NCAPG2: variants seen among roughly 807,000 people sequenced by gnomAD.
NCAPG2 encodes condensin-2 complex subunit G2.
In NCAPG2, 53 loss-of-function variants were observed where a neutral mutation model predicts 141.1. The ratio of observed to expected loss-of-function variants is 0.38; its 90% CI spans 0.30 to 0.47. The LOEUF is 0.47. NCAPG2 is among the 20% of genes least tolerant of loss of function. NCAPG2 has a pLI of 0.99. For missense variants in NCAPG2, 1,087 were observed against 1,389.0 expected (o/e 0.78, Z 3.46); for synonymous variants, 499 against 490.7 (o/e 1.02, Z -0.22).
At chr7:158,686,340 C>T (rs1279275430) in intron 7 of NCAPG2, 99 bp from the exon 8 acceptor site, 3 of 676,912 alleles carry the variant, frequency 4.4e-6, no homozygotes, top group African/African-American at 3.8e-5. Context: ...GAAGAAGAAA[C>T]TCAGTTTAAA....
chr7:158,652,215 G>A, intron 23 of NCAPG2, 78 bp downstream of exon 23: 1 of 1,401,418 alleles, frequency 7.1e-7, no homozygotes, highest in Non-Finnish European at 9.9e-7. Context: ...AGCACAGCCA[G>A]GGCTGATGCA....
At chr7:158,680,411 C>T (rs1376883449) in intron 10 of NCAPG2, among the ~76,000 whole-genome samples, 5 of 152,156 alleles carry the variant, frequency 3.3e-5, no homozygotes, top group African/African-American at 1.2e-4. Context: ...CCTGGACAGC[C>T]CAGGCCAGCG....
intron 23 of NCAPG2, 138 bp from the exon 24 acceptor site, chr7:158,651,110 A>G: frequency 1.2e-6 from 1 of 867,790 alleles, no homozygotes; most frequent in Non-Finnish European, 1.6e-6. Context: ...GCCTGCTACC[A>G]GTGCCCACTA....
chr7:158,675,774 T>C, intron 11 of NCAPG2, 118 bp from the exon 12 acceptor site: 5 of 1,021,116 alleles, frequency 4.9e-6, no homozygotes, highest in Non-Finnish European at 7.1e-6. Context: ...AGCATAGAAA[T>C]ACTGGACACA....
At chr7:158,702,611 A>G (rs956419834) in intron 1 of NCAPG2, among the ~76,000 whole-genome samples, 1 of 152,238 alleles carries the variant, frequency 6.6e-6, no homozygotes, top group Non-Finnish European at 1.5e-5. Context: ...ACATCAACCT[A>G]AAGATGAGGT....
At chr7:158,687,773 T>C (rs1834865400) in intron 6 of NCAPG2, among the ~76,000 whole-genome samples, 1 of 152,168 alleles carries the variant, frequency 6.6e-6, no homozygotes, top group African/African-American at 2.4e-5. Flanking sequence ...TTCCATAGTC[T>C]CAAATGAAAG....
At chr7:158,644,512 C>G in intron 26 of NCAPG2, 124 bp from the exon 27 acceptor site, 1 of 760,340 alleles carries the variant, frequency 1.3e-6, no homozygotes, top group South Asian at 1.5e-5. Flanking sequence ...TTGAGGTAAC[C>G]TACATACTGA....
chr7:158,641,808 T>C (rs1830670479), intron 27 of NCAPG2, among the ~76,000 whole-genome samples: 1 of 152,222 alleles, frequency 6.6e-6, no homozygotes, highest in Admixed American at 6.5e-5. Flanking sequence ...AAGTCAGTTA[T>C]TATAGTTGGA....
rs1275932729 is a variant in NCAPG2, at chr7:158,654,703, G to A, written c.2647-9C>T. 1.9e-6 allele frequency: 3 copies of A among 1,610,230 alleles called. No individual in the cohort carries two copies. The highest frequency in any genetic ancestry group is 2.5e-6 in the Non-Finnish European group (3 of 1,178,682). ...CACACAGTCAGGTAGGTCTGTAAGA[G>A]ACAGACACAGCTTAGCAACAAAGGC... is the stretch of plus-strand genomic sequence containing the variant. On this transcript the variant is annotated splice_polypyrimidine_tract_variant and intron_variant, in intron 21 of 27. Transcript: ENST00000356309.
chr7:158,680,900 G>C, intron 9 of NCAPG2, 84 bp from the exon 10 acceptor site: 3 of 1,013,496 alleles, frequency 3.0e-6, no homozygotes, highest in Non-Finnish European at 2.9e-6. Flanking sequence ...GAGCAACAGG[G>C]AGAATTGTTC....
At chr7:158,670,630 T>TA (rs1311094788) in intron 13 of NCAPG2, among the ~76,000 whole-genome samples, 1 of 152,184 alleles carries the variant, frequency 6.6e-6, no homozygotes, top group Non-Finnish European at 1.5e-5. Flanking sequence ...ATCTGAGCAA[T>TA]ATTTACTTAT....
At chr7:158,662,773 C>G (rs989742452) in intron 15 of NCAPG2, among the ~76,000 whole-genome samples, 3 of 152,170 alleles carry the variant, frequency 2.0e-5, no homozygotes, top group Non-Finnish European at 4.4e-5. Flanking sequence ...CTGCTTTCCT[C>G]CAAGGTGACT....
At chr7:158,643,246 A>C (rs1830767968) in intron 27 of NCAPG2, among the ~76,000 whole-genome samples, 1 of 151,896 alleles carries the variant, frequency 6.6e-6, no homozygotes. Context: ...TTACAGGCCT[A>C]ATTTTTGTAT....
intron 2 of NCAPG2, among the ~76,000 whole-genome samples, chr7:158,693,710 C>T (rs73167205): frequency 3.9e-5 from 6 of 152,312 alleles, no homozygotes; most frequent in Non-Finnish European, 5.9e-5. Context: ...TTTAAAATTT[C>T]ACCCACTTAG....
At chr7:158,695,097 C>T (rs746025035) in intron 2 of NCAPG2, among the ~76,000 whole-genome samples, 2 of 152,110 alleles carry the variant, frequency 1.3e-5, no homozygotes, top group Non-Finnish European at 2.9e-5. Flanking sequence ...TCCAGTATAT[C>T]AATGGACAGT....
At chr7:158,655,723 G>T (rs1587126633) in intron 19 of NCAPG2, among the ~76,000 whole-genome samples, 2 of 152,250 alleles carry the variant, frequency 1.3e-5, no homozygotes, top group Non-Finnish European at 2.9e-5. Flanking sequence ...CTCATGACCA[G>T]GCCCCGTCCT....
chr7:158,673,737 G>A (rs773256292), intron 12 of NCAPG2, among the ~76,000 whole-genome samples: 8 of 152,184 alleles, frequency 5.3e-5, no homozygotes, highest in African/African-American at 1.7e-4. Context: ...GCTGGAAACC[G>A]GATAGCCAGG....
chr7:158,642,944 ATTTTAT>A (rs1247583023), intron 27 of NCAPG2, among the ~76,000 whole-genome samples: 2 of 151,938 alleles, frequency 1.3e-5, no homozygotes, highest in Non-Finnish European at 2.9e-5. Context: ...CCGGCTAATT[ATTTTAT>A]TTTTATTTTT....
chr7:158,658,035 T>G (rs1832148258), intron 17 of NCAPG2, among the ~76,000 whole-genome samples: 1 of 151,926 alleles, frequency 6.6e-6, no homozygotes, highest in South Asian at 2.1e-4. Context: ...CAGGGTCCTC[T>G]GCCTAGGAAA....
Sources: gnomAD v4.1 joint callset for allele counts (sites outside exome capture counted in the v4.1 genomes callset) on GRCh38, gnomAD v4.1.1 for gene constraint, MANE v1.5 for transcripts, NCBI Gene and HGNC (gene_info 2026-07-23, HGNC 2026-07-21) for gene names.